SEPTIN11: variants seen among roughly 807,000 people sequenced by gnomAD.
The protein encoded by SEPTIN11 is septin 11.
Under a neutral mutation model 51.4 loss-of-function variants are expected in SEPTIN11, and 25 were observed. The ratio of observed to expected loss-of-function variants is 0.49; its 90% CI spans 0.35 to 0.68. SEPTIN11 has a LOEUF of 0.68. Ranked by LOEUF, SEPTIN11 falls within the 30% of genes least tolerant of loss-of-function variation. The pLI is 0.00. For synonymous variants in SEPTIN11, 174 were observed against 184.1 expected (o/e 0.95, Z 0.44); for missense variants, 381 against 520.8 (o/e 0.73, Z 2.61).
rs980042192 is a variant in SEPTIN11, at chr4:77,036,093, A to G, written c.*1581A>G. The G allele has an allele frequency of 1.5e-5, 15 of 985,800 alleles. No individual in the cohort carries two copies. Among genetic ancestry groups the G allele is most frequent in the Non-Finnish European group, 1.8e-5 (15 of 830,010 alleles). 61.1% of individuals were successfully genotyped at this position (985,800 alleles called of 1,614,324 possible). A position where few individuals can be genotyped will look rare whatever the true frequency, so the allele number is the denominator to read the frequency against. On this transcript the variant is annotated 3_prime_UTR_variant, in exon 10 of 10. Transcript: ENST00000264893. ...TTTTTTCTCCTTTTCTTTGTCCTCAACCATACTTAGAGGAAAGAAGGAATG... is the reference window on the plus strand; with the variant it reads ...TTTTTTCTCCTTTTCTTTGTCCTCAGCCATACTTAGAGGAAAGAAGGAATG...
intron 2 of SEPTIN11, among the ~76,000 whole-genome samples, chr4:77,004,824 G>A (rs1236372739): frequency 6.6e-6 from 1 of 152,160 alleles, no homozygotes; most frequent in Non-Finnish European, 1.5e-5. Context: ...TTAGCCAGGT[G>A]TGGTGACATG....
chr4:77,017,869 A>G (rs1725409578), intron 5 of SEPTIN11, among the ~76,000 whole-genome samples: 4 of 152,200 alleles, frequency 2.6e-5, no homozygotes. Context: ...TGAAAGAGTC[A>G]GTTGTCTTGG....
At chr4:76,957,130 T>C (rs1484242674) in intron 1 of SEPTIN11, among the ~76,000 whole-genome samples, 2 of 152,072 alleles carry the variant, frequency 1.3e-5, no homozygotes, top group African/African-American at 4.8e-5. Context: ...TCATGGGTGG[T>C]AACCTTCTGA....
chr4:76,972,886 T>G (rs539713512), intron 1 of SEPTIN11: 1 of 152,352 alleles, frequency 6.6e-6, no homozygotes, highest in East Asian at 1.9e-4. Flanking sequence ...TATGAGTAGA[T>G]GCCATAATTA....
Position 77,000,565 on chromosome 4 carries a change from G to A in SEPTIN11, c.142+4026G>A, listed in dbSNP as rs1218471756. On this transcript the variant is annotated intron_variant, in intron 2 of 9. Transcript: ENST00000264893. ...TCACTCATTCATTAGCAGATATTTA[G>A]TGAGCATGTGTTATATGCTAAACAC... 3.3e-5 allele frequency among the ~76,000 whole-genome samples: 5 copies of A among 152,306 alleles called. No individual in the cohort carries two copies. The East Asian group carries it at 9.6e-4, about 29-fold the overall frequency.
At position 77,037,259 on chromosome 4, in the gene SEPTIN11, G is replaced by A. The variant is rs781717186; in HGVS notation, c.*2747G>A. ...TGCCTGTAGTCCCAGCTACTTGGGA[G>A]GCTAAGTCAGGAGAATTGCTTGAAC... On this transcript the variant is annotated 3_prime_UTR_variant, in exon 10 of 10. Coordinates refer to ENST00000264893, the MANE Select transcript of SEPTIN11 (RefSeq NM_018243.4). 1.6e-5 allele frequency: 10 copies of A among 640,850 alleles called. No individual in the cohort carries two copies. Among genetic ancestry groups the A allele is most frequent in the Non-Finnish European group, 1.9e-5 (10 of 515,650 alleles). The allele number at this position is 640,850 out of a possible 1,614,324, so 39.7% of individuals were successfully genotyped here. A position where few individuals can be genotyped will look rare whatever the true frequency, so the allele number is the denominator to read the frequency against.
Position 77,035,125 on chromosome 4 carries a change from C to T in SEPTIN11, c.*613C>T, listed in dbSNP as rs1726941337. 1.0e-6 allele frequency: 1 copy of T among 985,474 alleles called. No homozygotes were observed. The highest frequency in any genetic ancestry group is 1.2e-6 in the Non-Finnish European group (1 of 829,956). 61.0% of individuals were successfully genotyped at this position (985,474 alleles called of 1,614,324 possible). ...TGGGTCTGTTCAGACTGTCTCCTCT[C>T]ATGGTTTGAAACTGCATCTGAATGC... On this transcript the variant is annotated 3_prime_UTR_variant, in exon 10 of 10. Coordinates refer to ENST00000264893, the MANE Select transcript of SEPTIN11 (RefSeq NM_018243.4).
At chr4:77,017,402 T>C (rs1018773719) in intron 5 of SEPTIN11, among the ~76,000 whole-genome samples, 2 of 152,226 alleles carry the variant, frequency 1.3e-5, no homozygotes, top group African/African-American at 4.8e-5. Context: ...CAGATTCCAC[T>C]GGCAGTTGCT....
chr4:76,965,943 A>G (rs900072432), intron 1 of SEPTIN11, among the ~76,000 whole-genome samples: 1 of 152,226 alleles, frequency 6.6e-6, no homozygotes, highest in Admixed American at 6.5e-5. Context: ...TGCTTTAGAA[A>G]AAGAGCTATA....
chr4:76,949,799 G>T lies in SEPTIN11; in HGVS notation c.-105G>T. On this transcript the variant is annotated 5_prime_UTR_variant, in exon 1 of 10. Transcript: ENST00000264893. ...GCGGGACGCCGGCGAGCAGAGCGCA[G>T]CCGCGAGGGAGGCGCGAGGGAGGCG... 5 of 1,291,402 alleles carry T rather than the reference G, an allele frequency of 3.9e-6. No individual in the cohort carries two copies. Among genetic ancestry groups the T allele is most frequent in the Non-Finnish European group, 5.3e-6 (5 of 945,930 alleles). The allele number at this position is 1,291,402 out of a possible 1,614,324, so 80.0% of individuals were successfully genotyped here.
intron 1 of SEPTIN11, among the ~76,000 whole-genome samples, chr4:76,953,133 T>C (rs1721414209): frequency 6.6e-6 from 1 of 152,234 alleles, no homozygotes; most frequent in Non-Finnish European, 1.5e-5. Context: ...GAAATGCACT[T>C]AATTGCTGTT....
intron 2 of SEPTIN11, among the ~76,000 whole-genome samples, chr4:77,004,917 C>T (rs372422798): frequency 3.3e-5 from 5 of 152,182 alleles, no homozygotes; most frequent in East Asian, 1.9e-4. Flanking sequence ...GAGCCGAGAT[C>T]GCGCCACTGT....
chr4:76,975,005 C>A (rs1232575946), intron 1 of SEPTIN11, among the ~76,000 whole-genome samples: 3 of 151,824 alleles, frequency 2.0e-5, no homozygotes, highest in African/African-American at 7.3e-5. Context: ...TGCCTGTAAT[C>A]CCAGTCACTC....
intron 1 of SEPTIN11, among the ~76,000 whole-genome samples, chr4:76,978,419 T>C (rs964956030): frequency 6.6e-6 from 1 of 152,188 alleles, no homozygotes; most frequent in Non-Finnish European, 1.5e-5. Context: ...GGGCCACGCA[T>C]GTCCCTTGAT....
rs769320568 is a variant in SEPTIN11, at chr4:76,956,993, T to TGTGTGTGTGTGTGTGA, written c.27+7064_27+7065insTGTGTGTGTGTGTGAG. On this transcript the variant is annotated intron_variant, in intron 1 of 9. Transcript: ENST00000264893. ...GTGTGTGTGTGTGTGTGTGTGTGTG[T>TGTGTGTGTGTGTGTGA]GAGAGAGAGAGAGACAGAGACAGAG... Among the ~76,000 whole-genome samples, 342 of 98,566 alleles carry TGTGTGTGTGTGTGTGA rather than the reference T, an allele frequency of 3.5e-3. 1 individual carries two copies. Among genetic ancestry groups the TGTGTGTGTGTGTGTGA allele is most frequent in the African/African-American group, 0.011 (321 of 30,554 alleles). The allele number at this position is 98,566 out of a possible 152,430, so 64.7% of individuals were successfully genotyped here. A position where few individuals can be genotyped will look rare whatever the true frequency, so the allele number is the denominator to read the frequency against.
chr4:77,032,475 C>A (rs1726723488), intron 9 of SEPTIN11, among the ~76,000 whole-genome samples: 1 of 152,232 alleles, frequency 6.6e-6, no homozygotes, highest in African/African-American at 2.4e-5. Flanking sequence ...ATTACAGTGA[C>A]TCTTCCAGTG....
At chr4:76,975,143 A>T (rs1722432145) in intron 1 of SEPTIN11, among the ~76,000 whole-genome samples, 1 of 152,040 alleles carries the variant, frequency 6.6e-6, no homozygotes, top group African/African-American at 2.4e-5. Flanking sequence ...AAAGAAAAAA[A>T]AAAAAAAGAA....
chr4:77,036,968 TA>T lies in SEPTIN11; in HGVS notation c.*2464del. 8 of 1,203,676 alleles carry T rather than the reference TA, an allele frequency of 6.6e-6. No homozygotes were observed. The highest frequency in any genetic ancestry group is 6.3e-5 in the South Asian group (2 of 31,894). 74.6% of individuals were successfully genotyped at this position (1,203,676 alleles called of 1,614,324 possible). ...GGTAATGGTTTGAGTAGCCTTTGTT[TA>T]AAAAAAAGACTAAATATATTTAAAA... On this transcript the variant is annotated 3_prime_UTR_variant, in exon 10 of 10. Transcript: ENST00000264893.
chr4:76,987,514 G>C (rs1723097936), intron 1 of SEPTIN11, among the ~76,000 whole-genome samples: 1 of 152,152 alleles, frequency 6.6e-6, no homozygotes, highest in African/African-American at 2.4e-5. Context: ...GCTGTGGTTT[G>C]GGTCAAAACT....
Sources: gnomAD v4.1 joint callset for allele counts (sites outside exome capture counted in the v4.1 genomes callset) on GRCh38, gnomAD v4.1.1 for gene constraint, MANE v1.5 for transcripts, NCBI Gene and HGNC (gene_info 2026-07-23, HGNC 2026-07-21) for gene names.